EPB41L5: variants seen among roughly 807,000 people sequenced by gnomAD.
The protein encoded by EPB41L5 is erythrocyte membrane protein band 4.1 like 5, also known as band 4.1-like protein 5.
Under a neutral mutation model 106.6 loss-of-function variants are expected in EPB41L5, and 55 were observed. The observed-to-expected ratio is 0.52, with a 90% confidence interval of 0.42 to 0.65. EPB41L5 has a LOEUF of 0.65. EPB41L5 is among the 30% of genes least tolerant of loss of function. The probability of loss-of-function intolerance (pLI) is 0.00; values close to 1 mark genes in which losing one functional copy is unlikely to be tolerated. For missense variants in EPB41L5, 871 were observed against 882.1 expected (o/e 0.99, Z 0.16); for synonymous variants, 297 against 306.7 (o/e 0.97, Z 0.33).
intron 24 of EPB41L5, among the ~76,000 whole-genome samples, chr2:120,170,099 A>T (rs1687605545): frequency 6.6e-6 from 1 of 152,254 alleles, no homozygotes; most frequent in South Asian, 2.1e-4. Flanking sequence ...TATATTCATA[A>T]TAGTCCAAAC....
At position 120,143,045 on chromosome 2, in the gene EPB41L5, A is replaced by G; in HGVS notation, c.1642A>G (p.Ile548Val). The change falls in exon 19 of 25, where the codon ATT (isoleucine) becomes GTT (valine). Residue 548 changes from isoleucine (I) to valine (V), a missense_variant. Physicochemically the swap from Ile to Val is conservative, Grantham distance 29. Coordinates refer to ENST00000263713, the MANE Select transcript of EPB41L5 (RefSeq NM_020909.4). ...GACTGAGAAATGCCTTAATAATGTC[A>G]TTGAGAGCCCAGGATTGAATGTCAT... ...KLTEKCLNNV[I>V]ESPGLNVMRV... The G allele has an allele frequency of 1.9e-6, 3 of 1,613,254 alleles. No individual in the cohort carries two copies. Among genetic ancestry groups the G allele is most frequent in the Non-Finnish European group, 2.5e-6 (3 of 1,179,462 alleles).
intron 20 of EPB41L5, among the ~76,000 whole-genome samples, chr2:120,160,311 T>C (rs1687087655): frequency 6.6e-6 from 1 of 152,246 alleles, no homozygotes; most frequent in East Asian, 1.9e-4. Flanking sequence ...TGGTTTCCTT[T>C]ACTTCTTTGT....
At chr2:120,125,346 C>T (rs1685410241) in intron 16 of EPB41L5, among the ~76,000 whole-genome samples, 1 of 152,182 alleles carries the variant, frequency 6.6e-6, no homozygotes, top group South Asian at 2.1e-4. Context: ...CGGCCTTTTC[C>T]CTCCATTGGT....
intron 3 of EPB41L5, among the ~76,000 whole-genome samples, chr2:120,051,756 C>T (rs923607183): frequency 2.6e-4 from 40 of 152,326 alleles, no homozygotes; most frequent in African/African-American, 8.9e-4. Context: ...GCAGAAATTA[C>T]CTGTCTTCTC....
In EPB41L5 at chr2:120,106,732, A is replaced by G. The variant is rs1684473726; in HGVS notation, c.1337+5918A>G. On this transcript the variant is annotated intron_variant, in intron 16 of 24. Coordinates refer to ENST00000263713, the MANE Select transcript of EPB41L5 (RefSeq NM_020909.4). ...AAACTTGTAGAAACACAGCAAAGCTAGTGACCTTCACACTTTCACGCATGA... is the reference window on the plus strand; with the variant it reads ...AAACTTGTAGAAACACAGCAAAGCTGGTGACCTTCACACTTTCACGCATGA... The G allele has an allele frequency of 4.1e-6, 4 of 985,338 alleles. No individual in the cohort carries two copies. In the South Asian group the frequency reaches 1.9e-4, roughly 46 times the overall value. The allele number at this position is 985,338 out of a possible 1,614,324, so 61.0% of individuals were successfully genotyped here. A position where few individuals can be genotyped will look rare whatever the true frequency, so the allele number is the denominator to read the frequency against.
At chr2:120,163,930 C>T (rs892815359) in intron 21 of EPB41L5, among the ~76,000 whole-genome samples, 3 of 149,668 alleles carry the variant, frequency 2.0e-5, no homozygotes, top group Admixed American at 6.7e-5. Flanking sequence ...TCAGCCTGGA[C>T]AGGGCAAGAT....
At chr2:120,084,949 G>A (rs968269911) in intron 10 of EPB41L5, among the ~76,000 whole-genome samples, 7 of 152,054 alleles carry the variant, frequency 4.6e-5, no homozygotes, top group Non-Finnish European at 7.4e-5. Flanking sequence ...GCATCACGTC[G>A]TTCTCATGCC....
At chr2:120,051,131 A>G (rs937378603) in intron 3 of EPB41L5, among the ~76,000 whole-genome samples, 4 of 152,184 alleles carry the variant, frequency 2.6e-5, no homozygotes, top group Non-Finnish European at 5.9e-5. Flanking sequence ...CAGTCTGTCC[A>G]TTCTCAGATC....
At chr2:120,062,609 A>G (rs1314269358) in intron 3 of EPB41L5, among the ~76,000 whole-genome samples, 1 of 152,144 alleles carries the variant, frequency 6.6e-6, no homozygotes, top group African/African-American at 2.4e-5. Context: ...TTTTATCTAG[A>G]TAGTGTTGTT....
chr2:120,107,008 TG>T, intron 16 of EPB41L5: 1 of 753,272 alleles, frequency 1.3e-6, no homozygotes, highest in Non-Finnish European at 1.6e-6. Context: ...TTTTTTTTTT[TG>T]GAGGGGAGTT....
At position 120,160,993 on chromosome 2, in the gene EPB41L5, C is replaced by T; in HGVS notation, c.1887+19C>T. The T allele has an allele frequency of 6.2e-7, 1 of 1,601,594 alleles. No individual in the cohort carries two copies. Among genetic ancestry groups the T allele is most frequent in the Non-Finnish European group, 8.6e-7 (1 of 1,169,038 alleles). On this transcript the variant is annotated intron_variant, in intron 21 of 24. Coordinates refer to ENST00000263713, the MANE Select transcript of EPB41L5 (RefSeq NM_020909.4). ...TCTAAAGGTAAGAATACTTTTACTT[C>T]TTAAAATTTTTGCCAAAGACAGTTT...
chr2:120,027,799 G>A (rs891915668), intron 2 of EPB41L5, among the ~76,000 whole-genome samples: 2 of 152,156 alleles, frequency 1.3e-5, no homozygotes, highest in African/African-American at 4.8e-5. Flanking sequence ...CCATTGAACT[G>A]TTTATTTTGA....
chr2:120,168,207 C>T (rs973222854), intron 24 of EPB41L5, among the ~76,000 whole-genome samples, 200 bp downstream of exon 24: 3 of 152,136 alleles, frequency 2.0e-5, no homozygotes, highest in African/African-American at 4.8e-5. Flanking sequence ...ACTGTATTAG[C>T]GTTTCTTTAT....
chr2:120,126,745 G>C (rs2105460744), intron 16 of EPB41L5, among the ~76,000 whole-genome samples: 1 of 152,196 alleles, frequency 6.6e-6, no homozygotes, highest in African/African-American at 2.4e-5. Context: ...TTTTGAAATT[G>C]TTTTGGCTAT....
At chr2:120,169,407 AACTT>A (rs144204800) in intron 24 of EPB41L5, among the ~76,000 whole-genome samples, 47 of 152,356 alleles carry the variant, frequency 3.1e-4, no homozygotes, top group African/African-American at 1.1e-3. Context: ...AACATGAGTG[AACTT>A]ACTTGTGACC....
intron 16 of EPB41L5, chr2:120,106,919 A>C (rs1469811074): frequency 1.0e-6 from 1 of 956,104 alleles, no homozygotes; most frequent in South Asian, 4.8e-5. Flanking sequence ...TTGTCCTACT[A>C]TGTGTATAAT....
chr2:120,026,656 A>C (rs1001352357), intron 2 of EPB41L5, among the ~76,000 whole-genome samples: 11 of 152,148 alleles, frequency 7.2e-5, no homozygotes, highest in Non-Finnish European at 1.3e-4. Context: ...GGCGTGAGCC[A>C]CTGCGCCCGG....
intron 3 of EPB41L5, among the ~76,000 whole-genome samples, chr2:120,049,554 C>T (rs994916090): frequency 2.0e-4 from 31 of 151,900 alleles, no homozygotes; most frequent in African/African-American, 7.0e-4. Flanking sequence ...AGCCTATGGA[C>T]GTGTCTCTGC....
chr2:120,167,556 AAG>A, intron 23 of EPB41L5, 49 bp downstream of exon 23: 2 of 1,554,860 alleles, frequency 1.3e-6, no homozygotes, highest in African/African-American at 1.4e-5. Context: ...CTTTCAGGGT[AAG>A]GCCTAAAGGA....
Sources: gnomAD v4.1 joint callset for allele counts (sites outside exome capture counted in the v4.1 genomes callset) on GRCh38, gnomAD v4.1.1 for gene constraint, MANE v1.5 for transcripts, NCBI Gene and HGNC (gene_info 2026-07-23, HGNC 2026-07-21) for gene names.